Variants in TENM2 observed in about 807,000 individuals in gnomAD.
TENM2 encodes the protein teneurin-2.
TENM2 carries 52 observed loss-of-function variants against 245.2 expected under a neutral mutation model. That is an observed-to-expected ratio of 0.21 (90% CI 0.17 to 0.27). The LOEUF (loss-of-function observed/expected upper bound fraction) is 0.27, where lower values mean the gene tolerates loss of function less well. Among genes scored for constraint, TENM2 ranks in the 10% least tolerant of loss-of-function variants. TENM2 has a pLI of 1.00. For missense variants in TENM2, 3,046 were observed against 3,666.8 expected, an observed-to-expected ratio of 0.83 and a Z score of 4.37; for synonymous variants, 1,363 against 1,438.9, an observed-to-expected ratio of 0.95 and a Z score of 1.19.
the TENM2 span, among the ~76,000 whole-genome samples, chr5:167,149,363 G>A: frequency 1.3e-5 from 2 of 152,112 alleles, no homozygotes; most frequent in Non-Finnish European, 2.9e-5. Flanking sequence ...GATCTGGGGT[G>A]TATCTGGAAA....
At chr5:167,529,631 G>A (rs1771361548) in intron 2 of TENM2, among the ~76,000 whole-genome samples, 1 of 152,202 alleles carries the variant, frequency 6.6e-6, no homozygotes, top group East Asian at 1.9e-4. Flanking sequence ...GAAGTCACGT[G>A]TATGCTCACT....
At chr5:167,880,743 A>T (rs190389651) in intron 3 of TENM2, among the ~76,000 whole-genome samples, 178 of 152,358 alleles carry the variant, frequency 1.2e-3, no homozygotes, top group African/African-American at 4.1e-3. Context: ...TGTAAAAACA[A>T]TTCTACAAAT....
At chr5:167,475,293 A>G (rs1422609122) in intron 2 of TENM2, among the ~76,000 whole-genome samples, 1 of 152,074 alleles carries the variant, frequency 6.6e-6, no homozygotes, top group Non-Finnish European at 1.5e-5. Context: ...GTATCTTTAC[A>G]CTCTTAGAAA....
intron 2 of TENM2, among the ~76,000 whole-genome samples, chr5:167,501,375 T>G (rs544849321): frequency 6.6e-6 from 1 of 152,224 alleles, no homozygotes; most frequent in South Asian, 2.1e-4. Context: ...CCTTTATATC[T>G]TCTCTACCGT....
At chr5:167,474,905 AT>A (rs781281311) in intron 2 of TENM2, among the ~76,000 whole-genome samples, 36 of 152,190 alleles carry the variant, frequency 2.4e-4, no homozygotes, top group Admixed American at 6.5e-4. Flanking sequence ...CTGTTTTCAA[AT>A]TTTGCCTTTC....
chr5:167,727,955 C>T (rs989535184), intron 2 of TENM2, among the ~76,000 whole-genome samples: 2 of 152,090 alleles, frequency 1.3e-5, no homozygotes, highest in Non-Finnish European at 2.9e-5. Context: ...TGGGAACTTG[C>T]TGTGAGATCC....
At chr5:167,616,530 C>G (rs1777796889) in intron 2 of TENM2, among the ~76,000 whole-genome samples, 1 of 152,044 alleles carries the variant, frequency 6.6e-6, no homozygotes, top group Non-Finnish European at 1.5e-5. Context: ...TCCACTGATG[C>G]AAAATAGCAA....
At chr5:168,087,649 A>G (rs1792576645) in intron 7 of TENM2, among the ~76,000 whole-genome samples, 1 of 151,538 alleles carries the variant, frequency 6.6e-6, no homozygotes, top group South Asian at 2.1e-4. Context: ...CTTGAGGACC[A>G]TTTGGCCTGA....
intron 2 of TENM2, among the ~76,000 whole-genome samples, chr5:167,725,643 T>C (rs1184500469): frequency 1.3e-5 from 2 of 152,174 alleles, no homozygotes; most frequent in African/African-American, 2.4e-5. Flanking sequence ...TAAATGCAAA[T>C]TGGATCCTGT....
intron 2 of TENM2, among the ~76,000 whole-genome samples, chr5:167,461,733 A>G (rs1398729212): frequency 6.6e-6 from 1 of 152,230 alleles, no homozygotes; most frequent in Non-Finnish European, 1.5e-5. Flanking sequence ...ATAAATAAAC[A>G]TATGGCATAA....
chr5:168,042,832 G>T (rs1005366750), intron 5 of TENM2, among the ~76,000 whole-genome samples: 1 of 152,132 alleles, frequency 6.6e-6, no homozygotes, highest in Non-Finnish European at 1.5e-5. Flanking sequence ...TAGCCGGAGG[G>T]ATACTCTCAG....
chr5:167,842,841 G>A (rs1231906520), intron 2 of TENM2, among the ~76,000 whole-genome samples: 2 of 152,098 alleles, frequency 1.3e-5, no homozygotes, highest in Non-Finnish European at 2.9e-5. Context: ...AACGCTGATT[G>A]GATGAGGCCA....
chr5:167,369,556 G>T, intron 1 of TENM2, among the ~76,000 whole-genome samples: 1 of 152,010 alleles, frequency 6.6e-6, no homozygotes. Context: ...CTATCAGCAA[G>T]TAATTAATTA....
chr5:167,984,894 G>T (rs566050364), intron 4 of TENM2, among the ~76,000 whole-genome samples: 4 of 151,890 alleles, frequency 2.6e-5, no homozygotes, highest in African/African-American at 9.7e-5. Context: ...TCTGTCTCAG[G>T]ACCCTGCCCC....
intron 4 of TENM2, among the ~76,000 whole-genome samples, chr5:167,981,289 C>T (rs549162740): frequency 2.0e-5 from 3 of 152,298 alleles, no homozygotes; most frequent in African/African-American, 7.2e-5. Context: ...ACACTTCCTG[C>T]ATGCAATATC....
intron 5 of TENM2, among the ~76,000 whole-genome samples, chr5:168,029,103 G>A (rs543664465): frequency 7.9e-4 from 121 of 152,294 alleles, no homozygotes; most frequent in African/African-American, 2.6e-3. Context: ...GTGAGGGCTC[G>A]ATTTCTGGTT....
exon 3 of TENM2, chr5:167,876,126 G>C (rs1300102710): frequency 1.9e-6 from 3 of 1,551,520 alleles, no homozygotes; most frequent in Non-Finnish European, 2.6e-6. Context: ...CACCAACCCT[G>C]ATGAGGAATT....
intron 2 of TENM2, among the ~76,000 whole-genome samples, chr5:167,469,106 A>G (rs1766848662): frequency 6.6e-6 from 1 of 152,172 alleles, no homozygotes; most frequent in Admixed American, 6.5e-5. Context: ...GATACGCTAC[A>G]TGGAGTGCTT....
intron 9 of TENM2, among the ~76,000 whole-genome samples, chr5:168,110,309 C>T (rs68186230): frequency 0.23 from 35,572 of 151,972 alleles, 4,511 homozygotes; most frequent in African/African-American, 0.29. Flanking sequence ...CCAGTGAAAA[C>T]AGTGATAATA....
Sources: gnomAD v4.1 joint callset for allele counts (sites outside exome capture counted in the v4.1 genomes callset) on GRCh38, gnomAD v4.1.1 for gene constraint, MANE v1.5 for transcripts, NCBI Gene and HGNC (gene_info 2026-07-23, HGNC 2026-07-21) for gene names.